Variants in NPC1L1 observed in about 807,000 individuals in gnomAD.
NPC1L1 encodes NPC1 like intracellular cholesterol transporter 1, also known as NPC1-like intracellular cholesterol transporter 1.
Under a neutral mutation model 117.0 loss-of-function variants are expected in NPC1L1, and 98 were observed. The ratio of observed to expected loss-of-function variants is 0.84; its 90% CI spans 0.71 to 0.99. The LOEUF (loss-of-function observed/expected upper bound fraction) is 0.99, where lower values mean the gene tolerates loss of function less well. Ranked by LOEUF, NPC1L1 falls within the 50% of genes least tolerant of loss-of-function variation. The pLI, the probability that NPC1L1 is intolerant of heterozygous loss-of-function variation, is 0.00. For synonymous variants in NPC1L1, 729 were observed against 727.6 expected, an observed-to-expected ratio of 1.00 and a Z score of -0.03; for missense variants, 1,540 against 1,710.0, an observed-to-expected ratio of 0.90 and a Z score of 1.75.
rs776336903 is a variant in NPC1L1, at chr7:44,535,982, C to T, written c.1855-14G>A. On this transcript the variant is annotated splice_polypyrimidine_tract_variant and intron_variant, in intron 4 of 18. Transcript: ENST00000381160. ...TTCCAGAGAGCGCTGTGGACACACA[C>T]CCGACCAGCCCCCACTGACCGTGCC... The T allele has an allele frequency of 6.2e-6, 10 of 1,612,674 alleles. No homozygotes were observed. The Admixed American group carries it at 1.3e-4, about 21-fold the overall frequency.
intron 10 of NPC1L1, among the ~76,000 whole-genome samples, chr7:44,529,449 G>A (rs2117052154): frequency 6.6e-6 from 1 of 151,292 alleles, no homozygotes; most frequent in South Asian, 2.1e-4. Context: ...CGTGATCTCA[G>A]TTTACCACAA....
At position 44,535,943 on chromosome 7, in the gene NPC1L1, C is replaced by A; in HGVS notation, c.1880G>T (p.Arg627Leu). 6.2e-7 allele frequency: 1 copy of A among 1,613,294 alleles called. No individual in the cohort carries two copies. The highest frequency in any genetic ancestry group is 8.5e-7 in the Non-Finnish European group (1 of 1,180,016). The change falls in exon 5 of 19, where the codon CGC (arginine) becomes CTC (leucine). Residue 627 changes from arginine (R) to leucine (L), a missense_variant. This residue lies in a region of NPC1L1 where 793 missense variants were observed against 820.4 expected (regional missense o/e 0.97). Coordinates refer to ENST00000381160, the MANE Select transcript of NPC1L1 (RefSeq NM_001101648.2). ...AERSLEDEIN[R>L]TTAEDLPIFA... ...GATGGGCAGGTCTTCAGCTGTGGTG[C>A]GATTGATCTCGTCTTCCAGAGAGCG...
chr7:44,523,848 G>C (rs970093896), intron 10 of NPC1L1, among the ~76,000 whole-genome samples: 3 of 152,194 alleles, frequency 2.0e-5, no homozygotes, highest in African/African-American at 7.2e-5. Flanking sequence ...GCCTCAGCAA[G>C]AGAGCCAGAC....
intron 13 of NPC1L1, 37 bp from the exon 14 acceptor site, chr7:44,520,857 G>A (rs748244875): frequency 7.4e-6 from 12 of 1,613,036 alleles, no homozygotes; most frequent in Admixed American, 1.7e-5. Flanking sequence ...AGCCAGGGAC[G>A]AAGCTTCTTT....
In NPC1L1 at chr7:44,540,198, T is replaced by C; in HGVS notation, c.199A>G (p.Thr67Ala). ...TGTAATAGGATCAGGTGATCACCTGTGATCTTGCGGGCCGGCGTGTTGGAC... is the reference window on the plus strand; with the variant it reads ...TGTAATAGGATCAGGTGATCACCTGCGATCTTGCGGGCCGGCGTGTTGGAC... Reference protein sequence around the residue: ...CLSNTPARKITGDHLILLQKI... With the variant: ...CLSNTPARKIAGDHLILLQKI... The change falls in exon 2 of 19, where the codon ACA (threonine) becomes GCA (alanine). Residue 67 changes from threonine to alanine, a missense_variant. Physicochemically the swap from Thr to Ala is moderately conservative, Grantham distance 58 (BLOSUM62 0). Coordinates refer to ENST00000381160, the MANE Select transcript of NPC1L1 (RefSeq NM_001101648.2). 1 of 1,613,958 alleles carries C rather than the reference T, an allele frequency of 6.2e-7. No individual in the cohort carries two copies. Among genetic ancestry groups the C allele is most frequent in the Non-Finnish European group, 8.5e-7 (1 of 1,179,976 alleles).
chr7:44,518,924 C>T (rs991800408), intron 14 of NPC1L1, among the ~76,000 whole-genome samples: 2 of 152,014 alleles, frequency 1.3e-5, no homozygotes, highest in African/African-American at 2.4e-5. Flanking sequence ...TGAGAACTTG[C>T]GTTTCTTCTT....
intron 18 of NPC1L1, among the ~76,000 whole-genome samples, chr7:44,514,505 A>G (rs1434924988): frequency 6.6e-6 from 1 of 151,798 alleles, no homozygotes; most frequent in African/African-American, 2.4e-5. Context: ...CCTGTCTCCA[A>G]TAAAAATACA....
intron 2 of NPC1L1, 103 bp from the exon 3 acceptor site, chr7:44,537,045 GGTGAGCTGGTGGGGT>G (rs1480789494): frequency 1.1e-6 from 1 of 880,492 alleles, no homozygotes; most frequent in African/African-American, 1.7e-5. Flanking sequence ...CACTATGGAG[GGTGAGCTGGTGGGGT>G]GGGGGACACT....
chr7:44,524,232 ATCCC>A (rs1801440908), intron 10 of NPC1L1, among the ~76,000 whole-genome samples: 1 of 152,212 alleles, frequency 6.6e-6, no homozygotes, highest in Non-Finnish European at 1.5e-5. Flanking sequence ...CCTTTGGCTG[ATCCC>A]CAGCACAGAA....
At chr7:44,517,022 A>AG (rs1801211910) in intron 15 of NPC1L1, 88 bp from the exon 16 acceptor site, 1 of 1,449,682 alleles carries the variant, frequency 6.9e-7, no homozygotes, top group Non-Finnish European at 9.6e-7. Context: ...GAGAATGCTG[A>AG]GGGTCAGGCA....
chr7:44,523,668 C>T (rs73107464), intron 10 of NPC1L1, among the ~76,000 whole-genome samples: 3 of 151,976 alleles, frequency 2.0e-5, no homozygotes, highest in East Asian at 1.9e-4. Flanking sequence ...AGTGGGAGAC[C>T]GATCTGGGCA....
chr7:44,516,639 CTA>C, intron 16 of NPC1L1, 62 bp downstream of exon 16: 1 of 1,288,198 alleles, frequency 7.8e-7, no homozygotes, highest in Non-Finnish European at 1.1e-6. Context: ...TAGGAGTATT[CTA>C]TGAGGCTGGA....
rs1801902635 is a variant in NPC1L1, at chr7:44,536,588, C to T, written c.1682-160G>A. 6.6e-6 allele frequency among the ~76,000 whole-genome samples: 1 copy of T among 150,860 alleles called. No homozygotes were observed. Among genetic ancestry groups the T allele is most frequent in the African/African-American group, 2.5e-5 (1 of 40,324 alleles). ...CTCATCTGATACATGGCCTTACCTCCTACACCCCACTTCTCTCAGCCAAAG... is the reference window on the plus strand; with the variant it reads ...CTCATCTGATACATGGCCTTACCTCTTACACCCCACTTCTCTCAGCCAAAG... On this transcript the variant is annotated intron_variant, in intron 3 of 18. Transcript: ENST00000381160. The surrounding 1 kb of genome is among the most constrained non-coding windows in gnomAD (Gnocchi z 4.7).
In NPC1L1 at chr7:44,515,916, C is replaced by T. The variant is rs1801168740; in HGVS notation, c.3683G>A (p.Gly1228Asp). 3.1e-6 allele frequency: 5 copies of T among 1,614,094 alleles called. No homozygotes were observed. Among genetic ancestry groups the T allele is most frequent in the Non-Finnish European group, 3.4e-6 (4 of 1,179,994 alleles). The change falls in exon 18 of 19, where the codon GGC becomes GAC. Residue 1228 changes from glycine to aspartate, a missense_variant. This residue lies in a region of NPC1L1 where 742 missense variants were observed against 873.6 expected (regional missense o/e 0.85). Coordinates refer to ENST00000381160, the MANE Select transcript of NPC1L1 (RefSeq NM_001101648.2). Reference protein sequence around the residue: ...MTNLPGILVLGLAKAQLIQIF... With the variant: ...MTNLPGILVLDLAKAQLIQIF... ...CTGAATGAGCTGGGCCTTGGCGAGG[C>T]CCAGGACAAGGATGCCAGGCAGGTT...
At chr7:44,526,366 T>C (rs1435169568) in intron 10 of NPC1L1, among the ~76,000 whole-genome samples, 1 of 151,300 alleles carries the variant, frequency 6.6e-6, no homozygotes, top group Non-Finnish European at 1.5e-5. Flanking sequence ...TTGACTAACA[T>C]GGTGAGACCC....
At chr7:44,529,025 C>T (rs527312534) in intron 10 of NPC1L1, among the ~76,000 whole-genome samples, 9 of 151,026 alleles carry the variant, frequency 6.0e-5, no homozygotes, top group Non-Finnish European at 7.4e-5. Context: ...GAGCTGAGAT[C>T]GCTCCACTGC....
chr7:44,532,260 A>G (rs1364391513), intron 8 of NPC1L1, 43 bp from the exon 9 acceptor site: 2 of 1,611,670 alleles, frequency 1.2e-6, no homozygotes, highest in South Asian at 1.1e-5. Context: ...CAGAGCAGAC[A>G]AGGCCCCAGG....
At chr7:44,535,036 C>A (rs556409362) in intron 5 of NPC1L1, among the ~76,000 whole-genome samples, 4 of 151,544 alleles carry the variant, frequency 2.6e-5, no homozygotes, top group African/African-American at 9.7e-5. Context: ...GAGTTTGAGA[C>A]CAGCCTAGGC....
chr7:44,537,435 A>T (rs1332801008), intron 2 of NPC1L1, among the ~76,000 whole-genome samples: 1 of 152,192 alleles, frequency 6.6e-6, no homozygotes, highest in South Asian at 2.1e-4. Flanking sequence ...AGGGCCCCCG[A>T]AACCCTTTAG....
Sources: gnomAD v4.1 joint callset for allele counts (sites outside exome capture counted in the v4.1 genomes callset) on GRCh38, gnomAD v4.1.1 for gene constraint, gnomAD v4.1.1 regional missense constraint, Gnocchi (gnomAD v3.1) non-coding constraint, MANE v1.5 for transcripts, NCBI Gene and HGNC (gene_info 2026-07-23, HGNC 2026-07-21) for gene names.